The following UTRN variants were observed in gnomAD, a reference collection of about 807,000 sequenced individuals.
UTRN encodes the protein dystrophin-related protein 1.
A neutral mutation model predicts 463.9 loss-of-function variants in UTRN; 283 were observed. That is an observed-to-expected ratio of 0.61 (90% CI 0.55 to 0.67). UTRN has a LOEUF of 0.67. Ranked by LOEUF, UTRN falls within the 30% of genes least tolerant of loss-of-function variation. The pLI is 0.00. For synonymous variants in UTRN, 1,442 were observed against 1,431.5 expected, an observed-to-expected ratio of 1.01 and a Z score of -0.17; for missense variants, 3,922 against 4,084.3, an observed-to-expected ratio of 0.96 and a Z score of 1.08.
At chr6:144,340,848 A>G (rs1377645055) in intron 2 of UTRN, among the ~76,000 whole-genome samples, 1 of 152,198 alleles carries the variant, frequency 6.6e-6, no homozygotes, top group Non-Finnish European at 1.5e-5. Flanking sequence ...GCGCCCCCCT[A>G]TTGATCTTTT....
chr6:144,316,141 G>T (rs1170561625), intron 2 of UTRN, among the ~76,000 whole-genome samples: 1 of 152,162 alleles, frequency 6.6e-6, no homozygotes, highest in Non-Finnish European at 1.5e-5. Flanking sequence ...CTTGAGGCCA[G>T]GAGTTCGAGA....
At chr6:144,525,502 G>A (rs1796490953) in intron 41 of UTRN, among the ~76,000 whole-genome samples, 2 of 151,928 alleles carry the variant, frequency 1.3e-5, no homozygotes, top group South Asian at 2.1e-4. Flanking sequence ...TTGATCTTTT[G>A]TATTTCTATG....
intron 19 of UTRN, among the ~76,000 whole-genome samples, chr6:144,454,097 C>T (rs1048289844): frequency 3.3e-5 from 5 of 151,968 alleles, no homozygotes; most frequent in African/African-American, 4.8e-5. Context: ...TATATGGGGT[C>T]GGGGCTGGAT....
chr6:144,851,060 A>G lies in UTRN; in HGVS notation c.*63A>G, dbSNP rs543820488. The G allele has an allele frequency of 1.2e-5, 20 of 1,609,340 alleles. No individual in the cohort carries two copies. Among genetic ancestry groups the G allele is most frequent in the African/African-American group, 4.0e-5 (3 of 74,906 alleles). ...GTGTTGCCCTTTTCAGCAAATGCCA[A>G]TTCCAAGTTCCATTAAATCAGAAGC... On this transcript the variant is annotated 3_prime_UTR_variant, in exon 75 of 75. Transcript: ENST00000367545.
chr6:144,387,512 A>G (rs1212497948), intron 2 of UTRN, among the ~76,000 whole-genome samples: 2 of 152,202 alleles, frequency 1.3e-5, no homozygotes, highest in Non-Finnish European at 2.9e-5. Flanking sequence ...ATTTTAAATG[A>G]TTCAGCTCCC....
intron 43 of UTRN, among the ~76,000 whole-genome samples, chr6:144,536,655 A>G (rs974277340): frequency 5.3e-5 from 8 of 152,242 alleles, no homozygotes; most frequent in African/African-American, 1.9e-4. Flanking sequence ...CTGCAAAAAC[A>G]TAAATTCTTA....
intron 50 of UTRN, among the ~76,000 whole-genome samples, chr6:144,575,811 T>G (rs1207050996): frequency 6.6e-6 from 1 of 152,092 alleles, no homozygotes; most frequent in Non-Finnish European, 1.5e-5. Flanking sequence ...TTCATCAGGA[T>G]TTTTAGTATA....
chr6:144,589,805 GAC>G (rs1376917761), intron 51 of UTRN, among the ~76,000 whole-genome samples: 1 of 151,874 alleles, frequency 6.6e-6, no homozygotes, highest in Non-Finnish European at 1.5e-5. Flanking sequence ...TTTCATTTTG[GAC>G]ATAAGGAAAC....
chr6:144,646,877 C>T (rs1052013448), intron 51 of UTRN, among the ~76,000 whole-genome samples: 1 of 152,086 alleles, frequency 6.6e-6, no homozygotes, highest in Non-Finnish European at 1.5e-5. Flanking sequence ...GTAAATGGAC[C>T]TATTTACATG....
chr6:144,363,650 G>C (rs1779261199), intron 2 of UTRN, among the ~76,000 whole-genome samples: 1 of 152,136 alleles, frequency 6.6e-6, no homozygotes, highest in African/African-American at 2.4e-5. Context: ...GATCATATAG[G>C]CGTGTATATA....
At chr6:144,640,428 T>A (rs1777649220) in intron 51 of UTRN, among the ~76,000 whole-genome samples, 1 of 152,202 alleles carries the variant, frequency 6.6e-6, no homozygotes, top group Non-Finnish European at 1.5e-5. Flanking sequence ...AGCTTTACAG[T>A]GTCTAAACTC....
chr6:144,394,230 A>G (rs1189804652), intron 2 of UTRN, among the ~76,000 whole-genome samples: 1 of 152,142 alleles, frequency 6.6e-6, no homozygotes. Flanking sequence ...GTCTCTTCTT[A>G]TGCTGCTAAT....
Position 144,412,720 on chromosome 6 carries a change from T to TTG in UTRN, c.142-9142_142-9141dup, listed in dbSNP as rs201336159. Among the ~76,000 whole-genome samples the TTG allele has an allele frequency of 8.2e-4, 109 of 132,966 alleles. 1 individual carries two copies. Among genetic ancestry groups the TTG allele is most frequent in the East Asian group, 5.0e-3 (23 of 4,560 alleles). The allele number at this position is 132,966 out of a possible 152,430, so 87.2% of individuals were successfully genotyped here. ...ATTATGGTATATACACTATATATGT[T>TTG]TGTGTGTGTGTGTGTGTATATATAT... On this transcript the variant is annotated intron_variant, in intron 3 of 74. Coordinates refer to ENST00000367545, the MANE Select transcript of UTRN (RefSeq NM_007124.3).
intron 72 of UTRN, among the ~76,000 whole-genome samples, 162 bp downstream of exon 72, chr6:144,839,446 C>CA (rs1562971032): frequency 6.6e-6 from 1 of 152,142 alleles, no homozygotes; most frequent in Non-Finnish European, 1.5e-5. Flanking sequence ...TCAACAATAT[C>CA]AAAAAGCAAA....
chr6:144,337,164 G>GAC (rs925020119), intron 2 of UTRN, among the ~76,000 whole-genome samples: 2 of 135,214 alleles, frequency 1.5e-5, no homozygotes, highest in East Asian at 2.0e-4. Flanking sequence ...CACACACACA[G>GAC]ACACACACAC....
At chr6:144,389,585 C>T (rs1237857566) in intron 2 of UTRN, among the ~76,000 whole-genome samples, 1 of 151,736 alleles carries the variant, frequency 6.6e-6, no homozygotes, top group Non-Finnish European at 1.5e-5. Flanking sequence ...ACATCCCTTT[C>T]TCCTTCATTA....
chr6:144,428,122 G>A (rs1785458979), intron 7 of UTRN, among the ~76,000 whole-genome samples: 1 of 151,974 alleles, frequency 6.6e-6, no homozygotes, highest in Admixed American at 6.6e-5. Flanking sequence ...ATTAACTTTT[G>A]GATAAGTCAA....
intron 33 of UTRN, among the ~76,000 whole-genome samples, chr6:144,498,829 A>G (rs1562490020): frequency 6.6e-6 from 1 of 151,866 alleles, no homozygotes; most frequent in Non-Finnish European, 1.5e-5. Context: ...AATTTTTTGT[A>G]TTTTTTACAA....
In UTRN at chr6:144,754,808, A is replaced by G. The variant is rs759971801; in HGVS notation, c.8434+10A>G. The G allele has an allele frequency of 3.0e-5, 49 of 1,611,912 alleles. No homozygotes were observed. In the South Asian group the frequency reaches 4.6e-4, roughly 15 times the overall value. On this transcript the variant is annotated intron_variant, in intron 57 of 74. Transcript: ENST00000367545. The stretch of plus-strand genomic sequence containing the variant: ...CAGCATTTTCTCTCTAGTAAGTACT[A>G]ATAAACTGGACTGATCGCATTAATT...
Sources: gnomAD v4.1 joint callset for allele counts (sites outside exome capture counted in the v4.1 genomes callset) on GRCh38, gnomAD v4.1.1 for gene constraint, MANE v1.5 for transcripts, NCBI Gene and HGNC (gene_info 2026-07-23, HGNC 2026-07-21) for gene names.